The following PHRF1 variants were observed in gnomAD, a reference collection of about 807,000 sequenced individuals.
The protein encoded by PHRF1 is PHD and ring finger domains 1.
PHRF1 carries 53 observed loss-of-function variants against 128.9 expected under a neutral mutation model. The ratio of observed to expected loss-of-function variants is 0.41; its 90% CI spans 0.33 to 0.52. The LOEUF (loss-of-function observed/expected upper bound fraction) is 0.52, where lower values mean the gene tolerates loss of function less well. PHRF1 is among the 20% of genes least tolerant of loss of function. The pLI, the probability that PHRF1 is intolerant of heterozygous loss-of-function variation, is 0.21. For missense variants in PHRF1, 2,503 were observed against 2,284.5 expected (o/e 1.10, Z -1.95); for synonymous variants, 1,178 against 980.6 (o/e 1.20, Z -3.76).
Position 612,008 on chromosome 11 carries a change from T to C in PHRF1, c.*231T>C, listed in dbSNP as rs1056185085. 6.9e-6 allele frequency: 4 copies of C among 580,766 alleles called. No homozygotes were observed. The highest frequency in any genetic ancestry group is 1.2e-5 in the Non-Finnish European group (4 of 339,462). The allele number at this position is 580,766 out of a possible 1,614,324, so 36.0% of individuals were successfully genotyped here. On this transcript the variant is annotated 3_prime_UTR_variant, in exon 18 of 18. Coordinates refer to ENST00000264555, the MANE Select transcript of PHRF1 (RefSeq NM_001286581.2). ...AAACTGGACACTTTTGTATGTATAT[T>C]ATAGAGACACTGTTTCCATTCTAAT...
Position 607,966 on chromosome 11 carries a change from G to T in PHRF1, c.2510G>T (p.Gly837Val). 6.2e-7 allele frequency: 1 copy of T among 1,611,756 alleles called. No individual in the cohort carries two copies. The highest frequency in any genetic ancestry group is 8.5e-7 in the Non-Finnish European group (1 of 1,179,826). Residue 837 changes from glycine (G) to valine (V), a missense_variant, in exon 14 of 18, where the codon GGC becomes GTC. Physicochemically the swap from Gly to Val is moderately radical, Grantham distance 109. Coordinates refer to ENST00000264555, the MANE Select transcript of PHRF1 (RefSeq NM_001286581.2). ...SEVYDPSDPT[G>V]SDSSAPGSSP... ...GTCTACGACCCATCCGACCCCACCG[G>T]CTCCGACTCCAGCGCCCCTGGCAGC... is the stretch of plus-strand genomic sequence containing the variant.
chr11:586,195 T>C (rs1259611231), intron 3 of PHRF1, among the ~76,000 whole-genome samples: 4 of 151,860 alleles, frequency 2.6e-5, no homozygotes, highest in Non-Finnish European at 5.9e-5. Context: ...GGGGTTTCAC[T>C]GTTAGCCAGG....
chr11:581,894 A>G lies in PHRF1; in HGVS notation c.95-68A>G, dbSNP rs887584201. ...CTCCTGACGCCTCTATGCCTGTGCAAAGCAACCTGCTCTCTGCTGCATGGT... is the reference window on the plus strand; with the variant it reads ...CTCCTGACGCCTCTATGCCTGTGCAGAGCAACCTGCTCTCTGCTGCATGGT... On this transcript the variant is annotated intron_variant, in intron 2 of 17. Coordinates refer to ENST00000264555, the MANE Select transcript of PHRF1 (RefSeq NM_001286581.2). 4.0e-6 allele frequency: 6 copies of G among 1,489,004 alleles called. No homozygotes were observed. The African/African-American group carries it at 8.5e-5, about 21-fold the overall frequency. 92.2% of individuals were successfully genotyped at this position (1,489,004 alleles called of 1,614,324 possible).
chr11:605,253 C>T lies in PHRF1; in HGVS notation c.1287C>T (p.Ala429=), dbSNP rs969420397. The T allele has an allele frequency of 1.2e-6, 2 of 1,613,692 alleles. No individual in the cohort carries two copies. The highest frequency in any genetic ancestry group is 1.7e-6 in the Non-Finnish European group (2 of 1,179,876). The change falls in exon 11 of 18, where the codon GCC becomes GCT. Residue 429 remains alanine (A), a synonymous_variant. Coordinates refer to ENST00000264555, the MANE Select transcript of PHRF1 (RefSeq NM_001286581.2). ...LGLLRADIGA[A]SLSLFGDPYE... is the part of the protein sequence containing the mutation. ...TGCTGAGAGCGGATATTGGAGCTGC[C>T]TCTCTGTCTCTGTTTGGAGATCCTT... is the stretch of plus-strand genomic sequence containing the variant.
chr11:601,782 C>T lies in PHRF1; in HGVS notation c.1152+81C>T, dbSNP rs557223775. ...GTTACGGAGCAGGGCCTAAGCCTCC[C>T]GCTGGCCTTGGCACCCTCGCGCGGT... On this transcript the variant is annotated intron_variant, in intron 10 of 17. Transcript: ENST00000264555. The T allele has an allele frequency of 1.5e-4, 236 of 1,569,196 alleles. 4 individuals carry two copies. The South Asian group carries it at 2.2e-3, about 15-fold the overall frequency.
intron 12 of PHRF1, 125 bp from the exon 13 acceptor site, chr11:606,317 G>C (rs1855934239): frequency 8.0e-7 from 1 of 1,253,536 alleles, no homozygotes; most frequent in East Asian, 2.7e-5. Flanking sequence ...CAGGGCTGTG[G>C]GGGAGGCGCA....
chr11:601,499 C>T (rs1213351315), intron 9 of PHRF1, 75 bp from the exon 10 acceptor site: 1 of 1,585,840 alleles, frequency 6.3e-7, no homozygotes, highest in African/African-American at 1.4e-5. Context: ...GCTCCGTCCA[C>T]TGGGCTGGAC....
Position 581,551 on chromosome 11 carries a change from C to T in PHRF1, c.39C>T (p.Ser13=). 1 of 1,613,528 alleles carries T rather than the reference C, an allele frequency of 6.2e-7. No homozygotes were observed. ...GCCTGGATGAGCTTGTGGCCCGGAG[C>T]CCAGGGCCGGATGGACACCCACAGG... is the stretch of plus-strand genomic sequence containing the variant. ...DDSLDELVAR[S]PGPDGHPQVG... The change falls in exon 2 of 18, where the codon AGC becomes AGT. Residue 13 remains serine (S), a synonymous_variant. Coordinates refer to ENST00000264555, the MANE Select transcript of PHRF1 (RefSeq NM_001286581.2).
intron 4 of PHRF1, 131 bp downstream of exon 4, chr11:587,595 T>C (rs1854647521): frequency 2.2e-6 from 2 of 921,408 alleles, no homozygotes; most frequent in Non-Finnish European, 1.7e-6. Context: ...GGCCACAGGA[T>C]TGAGTCTGGC....
intron 12 of PHRF1, 30 bp downstream of exon 12, chr11:605,754 T>C (rs760921618): frequency 2.0e-5 from 31 of 1,586,216 alleles, no homozygotes; most frequent in Non-Finnish European, 2.6e-5. Context: ...TCTGGGGAGG[T>C]GGGGGCAGCA....
At chr11:595,604 CT>C (rs1427187735) in intron 6 of PHRF1, among the ~76,000 whole-genome samples, 1 of 152,196 alleles carries the variant, frequency 6.6e-6, no homozygotes, top group Non-Finnish European at 1.5e-5. Flanking sequence ...CGTATTTAAA[CT>C]TGCAGCCAAT....
At chr11:592,726 C>T in intron 6 of PHRF1, 52 bp downstream of exon 6, 1 of 1,577,254 alleles carries the variant, frequency 6.3e-7, no homozygotes, top group Non-Finnish European at 8.7e-7. Flanking sequence ...CAAGGCGGGC[C>T]AGGCGCAGGA....
In PHRF1 at chr11:592,643, A is replaced by C; in HGVS notation, c.589A>C (p.Arg197=). The C allele has an allele frequency of 6.2e-7, 1 of 1,614,054 alleles. No individual in the cohort carries two copies. The highest frequency in any genetic ancestry group is 1.1e-5 in the South Asian group (1 of 91,086). Residue 197 remains arginine, a synonymous_variant, in exon 6 of 18, where the codon AGG becomes CGG. Coordinates refer to ENST00000264555, the MANE Select transcript of PHRF1 (RefSeq NM_001286581.2). ...EVCGRSDRED[R]LLLCDGCDAG... ...GTGCGGCAGGAGCGACCGTGAGGAC[A>C]GGCTTTTGCTCTGCGACGGCTGCGA... is the stretch of plus-strand genomic sequence containing the variant.
At chr11:592,306 G>T (rs547932987) in intron 5 of PHRF1, among the ~76,000 whole-genome samples, 4 of 151,526 alleles carry the variant, frequency 2.6e-5, no homozygotes, top group Non-Finnish European at 4.4e-5. Context: ...CTTTGGGGCC[G>T]CAGGGCTTAC....
intron 9 of PHRF1, among the ~76,000 whole-genome samples, chr11:599,615 C>A (rs1018246049): frequency 6.6e-6 from 1 of 152,156 alleles, no homozygotes; most frequent in Non-Finnish European, 1.5e-5. Context: ...CTAGGTTTGA[C>A]AGACGTAACT....
intron 12 of PHRF1, among the ~76,000 whole-genome samples, chr11:605,984 C>T (rs1026961164): frequency 6.6e-5 from 10 of 152,248 alleles, no homozygotes; most frequent in South Asian, 2.1e-4. Flanking sequence ...CCCCCCACCC[C>T]GGCCTGAGAG....
chr11:604,935 C>T (rs542128444), intron 10 of PHRF1, among the ~76,000 whole-genome samples, 184 bp from the exon 11 acceptor site: 4 of 152,130 alleles, frequency 2.6e-5, no homozygotes, highest in Admixed American at 1.3e-4. Flanking sequence ...GCTTCACGGC[C>T]GATGTGTGCG....
intron 10 of PHRF1, among the ~76,000 whole-genome samples, chr11:603,733 T>G (rs1352730974): frequency 8.4e-5 from 12 of 142,594 alleles, no homozygotes; most frequent in African/African-American, 2.1e-4. Context: ...AAGTTTGTTT[T>G]TTTTTTTTTT....
intron 12 of PHRF1, among the ~76,000 whole-genome samples, chr11:606,107 T>G (rs1855923584): frequency 6.6e-6 from 1 of 152,214 alleles, no homozygotes; most frequent in South Asian, 2.1e-4. Context: ...AACAAAAAAT[T>G]AACCAAAACC....
Sources: allele counts gnomAD v4.1 joint callset (sites outside exome capture counted in the v4.1 genomes callset), GRCh38; gene constraint gnomAD v4.1.1; transcripts MANE v1.5; gene names NCBI Gene and HGNC (gene_info 2026-07-23, HGNC 2026-07-21).